EAF2: variants seen among roughly 807,000 people sequenced by gnomAD.
The protein encoded by EAF2 is ELL associated factor 2.
A neutral mutation model predicts 29.4 loss-of-function variants in EAF2; 29 were observed. The ratio of observed to expected loss-of-function variants is 0.99; its 90% CI spans 0.73 to 1.35. The LOEUF is 1.35. Among genes scored for constraint, EAF2 ranks in the 40% most tolerant of loss-of-function variants. The pLI is 0.00. For missense variants in EAF2, 292 were observed against 312.0 expected, an observed-to-expected ratio of 0.94 and a Z score of 0.48; for synonymous variants, 103 against 102.5, an observed-to-expected ratio of 1.00 and a Z score of -0.03.
At chr3:121,849,095 G>A (rs1007375057) in intron 2 of EAF2, among the ~76,000 whole-genome samples, 1 of 152,114 alleles carries the variant, frequency 6.6e-6, no homozygotes, top group Non-Finnish European at 1.5e-5. Context: ...TCTTAATTCT[G>A]TAGGTTTTTT....
At chr3:121,848,680 G>A (rs1215832724) in intron 2 of EAF2, among the ~76,000 whole-genome samples, 1 of 152,064 alleles carries the variant, frequency 6.6e-6, no homozygotes, top group Non-Finnish European at 1.5e-5. Context: ...TTCATGATGT[G>A]TGAAAAATCG....
chr3:121,873,010 T>C (rs1282770978), intron 5 of EAF2: 5 of 764,750 alleles, frequency 6.5e-6, no homozygotes, highest in African/African-American at 3.4e-5. Flanking sequence ...TCTCACTCCT[T>C]TTCAAGTTTA....
chr3:121,876,815 AAGG>A (rs529729335), intron 5 of EAF2, among the ~76,000 whole-genome samples: 70 of 151,976 alleles, frequency 4.6e-4, no homozygotes, highest in Non-Finnish European at 8.2e-4. Context: ...GAAAGCAGAG[AAGG>A]AGAAGTGAAA....
intron 1 of EAF2, among the ~76,000 whole-genome samples, chr3:121,837,931 C>T (rs1480974902): frequency 6.6e-6 from 1 of 152,098 alleles, no homozygotes; most frequent in Non-Finnish European, 1.5e-5. Flanking sequence ...CTATTTATAT[C>T]CAGATAAGGC....
chr3:121,848,274 G>T (rs572658880), intron 2 of EAF2, among the ~76,000 whole-genome samples: 2 of 152,156 alleles, frequency 1.3e-5, no homozygotes, highest in Non-Finnish European at 2.9e-5. Flanking sequence ...GATGTATGCA[G>T]ATGTGTCCAT....
intron 5 of EAF2, among the ~76,000 whole-genome samples, chr3:121,883,437 T>C (rs1403649686): frequency 6.6e-6 from 1 of 152,238 alleles, no homozygotes; most frequent in Non-Finnish European, 1.5e-5. Flanking sequence ...ACATGATAGC[T>C]GCATACTTGT....
chr3:121,862,468 C>T (rs554751802), intron 4 of EAF2, among the ~76,000 whole-genome samples: 7 of 152,324 alleles, frequency 4.6e-5, no homozygotes, highest in African/African-American at 1.7e-4. Context: ...TAATTGGCTA[C>T]TGAAGCTTGT....
intron 5 of EAF2, among the ~76,000 whole-genome samples, chr3:121,879,431 T>C (rs1576658079): frequency 6.6e-6 from 1 of 152,120 alleles, no homozygotes; most frequent in East Asian, 1.9e-4. Context: ...TGTCAGTGTT[T>C]TCAGGTCTTA....
At chr3:121,856,341 G>A (rs924474654) in intron 3 of EAF2, among the ~76,000 whole-genome samples, 146 of 132,462 alleles carry the variant, frequency 1.1e-3, no homozygotes, top group African/African-American at 3.9e-3. Context: ...TTTGGTTGTT[G>A]TTTTATTTAT....
chr3:121,840,680 G>T (rs1708403998), intron 1 of EAF2, among the ~76,000 whole-genome samples: 1 of 151,036 alleles, frequency 6.6e-6, no homozygotes, highest in Non-Finnish European at 1.5e-5. Context: ...GGTGACGGGC[G>T]CCTGTGGTCC....
intron 4 of EAF2, among the ~76,000 whole-genome samples, chr3:121,859,616 A>G (rs1446210850): frequency 6.6e-6 from 1 of 152,216 alleles, no homozygotes; most frequent in Non-Finnish European, 1.5e-5. Flanking sequence ...TCATCTGCAA[A>G]CAGGGACAAT....
intron 1 of EAF2, among the ~76,000 whole-genome samples, chr3:121,842,441 A>G (rs1488352642): frequency 6.6e-6 from 1 of 152,010 alleles, no homozygotes; most frequent in East Asian, 1.9e-4. Context: ...CATCTTTTTT[A>G]TTCTAACTGG....
intron 2 of EAF2, among the ~76,000 whole-genome samples, chr3:121,845,678 C>T (rs939736353): frequency 6.6e-6 from 1 of 151,728 alleles, no homozygotes; most frequent in Non-Finnish European, 1.5e-5. Context: ...TAAAACCACT[C>T]CTCAAACTCT....
At chr3:121,845,543 A>G (rs1311636273) in intron 2 of EAF2, among the ~76,000 whole-genome samples, 2 of 151,828 alleles carry the variant, frequency 1.3e-5, no homozygotes, top group Middle Eastern at 6.3e-3. Flanking sequence ...TGTGAAGGAT[A>G]TTTTATGTTG....
chr3:121,871,466 T>C (rs1008198673), intron 4 of EAF2, among the ~76,000 whole-genome samples: 2 of 151,962 alleles, frequency 1.3e-5, no homozygotes, highest in African/African-American at 4.8e-5. Flanking sequence ...CATGCTAAAA[T>C]TTATCTAGCT....
intron 4 of EAF2, among the ~76,000 whole-genome samples, chr3:121,869,880 C>A (rs771549408): frequency 6.6e-6 from 1 of 151,980 alleles, no homozygotes; most frequent in South Asian, 2.1e-4. Context: ...CAGAGTAAGA[C>A]CCTATCTAAA....
At chr3:121,855,664 T>A (rs1373468360) in intron 3 of EAF2, among the ~76,000 whole-genome samples, 1 of 152,178 alleles carries the variant, frequency 6.6e-6, no homozygotes, top group Non-Finnish European at 1.5e-5. Flanking sequence ...TAAGACAAGT[T>A]TGATATCTGA....
At chr3:121,867,820 C>T (rs115610720) in intron 4 of EAF2, among the ~76,000 whole-genome samples, 1,551 of 152,114 alleles carry the variant, frequency 0.01, 19 homozygotes, top group African/African-American at 0.035. Context: ...TTCTGATTCC[C>T]AAAATAATGA....
chr3:121,836,357 T>G (rs1462645881), intron 1 of EAF2: 3 of 152,300 alleles, frequency 2.0e-5, no homozygotes, highest in African/African-American at 7.2e-5. Context: ...TTAGAGACCT[T>G]TATGGTTTTT....
Sources: gnomAD v4.1 joint callset for allele counts (sites outside exome capture counted in the v4.1 genomes callset) on GRCh38, gnomAD v4.1.1 for gene constraint, MANE v1.5 for transcripts, NCBI Gene and HGNC (gene_info 2026-07-23, HGNC 2026-07-21) for gene names.